The following SVIL variants were observed in gnomAD, a reference collection of about 807,000 sequenced individuals.
SVIL encodes the protein supervillin.
In SVIL, 101 loss-of-function variants were observed where a neutral mutation model predicts 240.4. That is an observed-to-expected ratio of 0.42 (90% confidence interval 0.36 to 0.50). SVIL has a LOEUF of 0.50. SVIL is among the 20% of genes least tolerant of loss of function. SVIL has a pLI of 0.01. For missense variants in SVIL, 2,512 were observed against 2,818.7 expected (o/e 0.89, Z 2.46); for synonymous variants, 999 against 1,100.0 (o/e 0.91, Z 1.82).
intron 1 of SVIL, among the ~76,000 whole-genome samples, chr10:29,732,080 G>A (rs1964654766): frequency 6.6e-6 from 1 of 152,188 alleles, no homozygotes; most frequent in Admixed American, 6.5e-5. Context: ...ACAAAAGCAG[G>A]GATCTTGCTC....
chr10:29,587,037 CTTAAAAG>C (rs1328072640), intron 1 of SVIL, among the ~76,000 whole-genome samples: 2 of 152,188 alleles, frequency 1.3e-5, no homozygotes, highest in Admixed American at 6.5e-5. Flanking sequence ...TACTCTTGAA[CTTAAAAG>C]TTAAAAACAA....
intron 5 of SVIL, among the ~76,000 whole-genome samples, chr10:29,552,656 A>T (rs961885992): frequency 1.2e-4 from 18 of 151,840 alleles, no homozygotes; most frequent in African/African-American, 3.4e-4. Context: ...GCATTCCATT[A>T]TTACCTTAAC....
intron 16 of SVIL, 37 bp downstream of exon 16, chr10:29,522,373 C>G (rs751363415): frequency 6.2e-7 from 1 of 1,605,676 alleles, no homozygotes; most frequent in Non-Finnish European, 8.5e-7. Context: ...AAGCTCCTCC[C>G]CGAGAGAATT....
chr10:29,721,010 C>T (rs1293214479), intron 1 of SVIL, among the ~76,000 whole-genome samples: 1 of 152,116 alleles, frequency 6.6e-6, no homozygotes, highest in Non-Finnish European at 1.5e-5. Context: ...CCACAACCCA[C>T]TAATTTTTGT....
intron 1 of SVIL, among the ~76,000 whole-genome samples, chr10:29,716,398 CA>C (rs1453504592): frequency 6.6e-6 from 1 of 151,814 alleles, no homozygotes; most frequent in Non-Finnish European, 1.5e-5. Context: ...AGGACTGATA[CA>C]AAATCCAGTG....
chr10:29,645,061 T>C (rs546568346), intron 3 of SVIL, among the ~76,000 whole-genome samples: 1 of 152,268 alleles, frequency 6.6e-6, no homozygotes, highest in Non-Finnish European at 1.5e-5. Flanking sequence ...TAAATTTAGC[T>C]TTATATTTAA....
Position 29,550,762 on chromosome 10 carries a change from G to C in SVIL, c.662C>G (p.Ser221Cys). 1 of 1,614,146 alleles carries C rather than the reference G, an allele frequency of 6.2e-7. No homozygotes were observed. Among genetic ancestry groups the C allele is most frequent in the Non-Finnish European group, 8.5e-7 (1 of 1,180,042 alleles). ...GGTCGAGGAACTCTCGGCTGCTGGG[G>C]ACAGGTCATGGGCCTGCCGGGTGGC... The part of the protein sequence containing the change: ...LSATRQAHDL[S>C]PAAESSSTFS... The change falls in exon 6 of 38, where the codon TCC becomes TGC. Residue 221 changes from serine (S) to cysteine (C), a missense_variant. Coordinates refer to ENST00000355867, the MANE Select transcript of SVIL (RefSeq NM_021738.3).
At chr10:29,470,739 C>T (rs745936078) in intron 31 of SVIL, among the ~76,000 whole-genome samples, 1 of 152,110 alleles carries the variant, frequency 6.6e-6, no homozygotes, top group Non-Finnish European at 1.5e-5. Flanking sequence ...GTAGAAAAGC[C>T]ATTTTCCCAA....
Position 29,533,214 on chromosome 10 carries a change from G to C in SVIL, c.1153C>G (p.Pro385Ala). Residue 385 changes from proline to alanine, a missense_variant, in exon 8 of 38, where the codon CCA (proline) becomes GCA (alanine). By Grantham distance (27) the Pro-to-Ala change is conservative. Coordinates refer to ENST00000355867, the MANE Select transcript of SVIL (RefSeq NM_021738.3). ...CAGCTACACTCAGATGCATTTTCTGGGGTTTCTGGCGTCACTAGCTTGGCG... is the reference window on the plus strand; with the variant it reads ...CAGCTACACTCAGATGCATTTTCTGCGGTTTCTGGCGTCACTAGCTTGGCG... ...HTAKLVTPET[P>A]ENASECSWVA... 6.2e-7 allele frequency: 1 copy of C among 1,614,156 alleles called. No individual in the cohort carries two copies. The highest frequency in any genetic ancestry group is 1.1e-5 in the South Asian group (1 of 91,084).
intron 2 of SVIL, among the ~76,000 whole-genome samples, chr10:29,662,849 G>A (rs1006403941): frequency 3.9e-5 from 6 of 152,174 alleles, no homozygotes; most frequent in African/African-American, 1.4e-4. Flanking sequence ...AGTGGCTCAT[G>A]CCTGTAATCC....
At chr10:29,468,492 A>C (rs1342196009) in intron 32 of SVIL, among the ~76,000 whole-genome samples, 7 of 152,032 alleles carry the variant, frequency 4.6e-5, no homozygotes, top group Non-Finnish European at 8.8e-5. Context: ...CTGTATTGTT[A>C]AATCTTTTGA....
intron 9 of SVIL, 117 bp from the exon 10 acceptor site, chr10:29,531,405 ACCT>A (rs1951358157): frequency 2.1e-5 from 21 of 993,086 alleles, no homozygotes; most frequent in South Asian, 4.4e-5. Context: ...TTAAGAAATA[ACCT>A]CCTGGTAGCA....
chr10:29,664,428 T>A (rs1159999189), intron 2 of SVIL, among the ~76,000 whole-genome samples: 1 of 152,158 alleles, frequency 6.6e-6, no homozygotes, highest in Middle Eastern at 3.2e-3. Flanking sequence ...GCAGGAGACC[T>A]CTGGCTGCCT....
At chr10:29,521,152 G>T (rs1166331124) in intron 16 of SVIL, among the ~76,000 whole-genome samples, 2 of 151,152 alleles carry the variant, frequency 1.3e-5, no homozygotes, top group African/African-American at 4.9e-5. Context: ...GAACCCGGGA[G>T]GCAGAGGTTG....
At chr10:29,585,180 TC>T (rs899114355) in intron 1 of SVIL, among the ~76,000 whole-genome samples, 20 of 151,374 alleles carry the variant, frequency 1.3e-4, no homozygotes, top group South Asian at 4.2e-4. Context: ...TCTCCTGAGC[TC>T]CAGTGACCCT....
chr10:29,617,155 C>A (rs190441716), intron 1 of SVIL, among the ~76,000 whole-genome samples: 16 of 152,312 alleles, frequency 1.1e-4, no homozygotes, highest in Admixed American at 1.0e-3. Context: ...TCCCTTGAAG[C>A]CCAAAGCTCT....
chr10:29,573,568 G>C (rs1392279443), intron 1 of SVIL, among the ~76,000 whole-genome samples: 2 of 151,950 alleles, frequency 1.3e-5, no homozygotes, highest in Admixed American at 1.3e-4. Context: ...TGACATTCAA[G>C]AATTATTACT....
chr10:29,489,586 C>T lies in SVIL; in HGVS notation c.4193-830G>A, dbSNP rs183666777. Among the ~76,000 whole-genome samples the T allele has an allele frequency of 5.9e-5, 9 of 152,246 alleles. No individual in the cohort carries two copies. The East Asian group carries it at 1.2e-3, about 20-fold the overall frequency. The stretch of plus-strand genomic sequence containing the variant: ...TTGTTGAGAAAGGGTGTGGCTCTGT[C>T]GCCCAGCCTGGAGTGCAGTGGTGCA... On this transcript the variant is annotated intron_variant, in intron 22 of 37. Transcript: ENST00000355867.
intron 1 of SVIL, among the ~76,000 whole-genome samples, chr10:29,611,174 C>T (rs566509063): frequency 3.0e-4 from 46 of 152,202 alleles, no homozygotes; most frequent in African/African-American, 1.0e-3. Flanking sequence ...TCTACAGTCC[C>T]GCCGTCTATT....
Sources: gnomAD v4.1 joint callset for allele counts (sites outside exome capture counted in the v4.1 genomes callset) on GRCh38, gnomAD v4.1.1 for gene constraint, MANE v1.5 for transcripts, NCBI Gene and HGNC (gene_info 2026-07-23, HGNC 2026-07-21) for gene names.